The following TSC22D2 variants were observed in gnomAD, a reference collection of about 807,000 sequenced individuals.
TSC22D2 encodes the protein TSC22 domain family member 2, also known as TSC22 domain family protein 2.
A neutral mutation model predicts 50.1 loss-of-function variants in TSC22D2; 5 were observed. That is an observed-to-expected ratio of 0.10 (90% CI 0.05 to 0.21). TSC22D2 has a LOEUF of 0.21. Ranked by LOEUF, TSC22D2 falls within the 10% of genes least tolerant of loss-of-function variation. The pLI is 1.00. For missense variants in TSC22D2, 1,003 were observed against 1,015.5 expected (o/e 0.99, Z 0.17); for synonymous variants, 501 against 450.1 (o/e 1.11, Z -1.43).
At chr3:150,440,210 C>T (rs1479395932) in intron 1 of TSC22D2, among the ~76,000 whole-genome samples, 1 of 151,982 alleles carries the variant, frequency 6.6e-6, no homozygotes, top group African/African-American at 2.4e-5. Flanking sequence ...CTGGTATCCT[C>T]TGAAAATTTG....
chr3:150,414,806 CTG>C (rs1451477777), intron 1 of TSC22D2, among the ~76,000 whole-genome samples: 1 of 151,716 alleles, frequency 6.6e-6, no homozygotes, highest in African/African-American at 2.4e-5. Flanking sequence ...TCTTCGACCT[CTG>C]TTGTATGAAA....
intron 1 of TSC22D2, among the ~76,000 whole-genome samples, chr3:150,419,687 A>G (rs1453907602): frequency 6.6e-6 from 1 of 152,146 alleles, no homozygotes; most frequent in Non-Finnish European, 1.5e-5. Context: ...ACAGGTAGAC[A>G]TGCCACATGC....
chr3:150,440,452 TA>T (rs1576552455), intron 1 of TSC22D2, among the ~76,000 whole-genome samples: 3 of 143,164 alleles, frequency 2.1e-5, no homozygotes, highest in Middle Eastern at 3.4e-3. Flanking sequence ...AATATATGTG[TA>T]TTTTTTTTTT....
At chr3:150,414,038 T>C (rs537459909) in intron 1 of TSC22D2, among the ~76,000 whole-genome samples, 76 of 152,332 alleles carry the variant, frequency 5.0e-4, no homozygotes, top group South Asian at 1.2e-3. Context: ...CAAAGTTCTA[T>C]ATTGGCTTAA....
chr3:150,443,944 A>G (rs968260330), intron 1 of TSC22D2, among the ~76,000 whole-genome samples: 1 of 152,198 alleles, frequency 6.6e-6, no homozygotes, highest in Non-Finnish European at 1.5e-5. Flanking sequence ...TTTAGTCATC[A>G]CCATGATCAG....
At chr3:150,427,671 A>G (rs1049690315) in intron 1 of TSC22D2, among the ~76,000 whole-genome samples, 4 of 152,030 alleles carry the variant, frequency 2.6e-5, no homozygotes, top group African/African-American at 9.7e-5. Flanking sequence ...TTATATTTCA[A>G]CCTGTTCCAC....
rs532236588 is a variant in TSC22D2, at chr3:150,464,047, A to G, written c.*5411A>G. The G allele has an allele frequency of 1.3e-5, 2 of 152,340 alleles. No individual in the cohort carries two copies. The highest frequency in any genetic ancestry group is 1.3e-4 in the Admixed American group (2 of 15,300). 9.4% of individuals were successfully genotyped at this position (152,340 alleles called of 1,614,324 possible). A position where few individuals can be genotyped will look rare whatever the true frequency, so the allele number is the denominator to read the frequency against. ...TTGGAGGGAAGGGAAAGGTGTGCTA[A>G]CTTAGATCATAAAAACAACTGAATT... On this transcript the variant is annotated 3_prime_UTR_variant, in exon 3 of 3. Transcript: ENST00000688009.
chr3:150,440,154 C>CTAGA (rs1720670562), intron 1 of TSC22D2, among the ~76,000 whole-genome samples: 1 of 152,136 alleles, frequency 6.6e-6, no homozygotes, highest in African/African-American at 2.4e-5. Context: ...AGTGGTGGAG[C>CTAGA]TAGAATTCAA....
intron 1 of TSC22D2, among the ~76,000 whole-genome samples, chr3:150,437,823 A>G (rs1443070566): frequency 6.6e-6 from 1 of 151,798 alleles, no homozygotes; most frequent in Admixed American, 6.6e-5. Context: ...AAATAAATAA[A>G]TAAATAAAAT....
chr3:150,416,592 A>G (rs1282074821), intron 1 of TSC22D2, among the ~76,000 whole-genome samples: 2 of 152,120 alleles, frequency 1.3e-5, no homozygotes, highest in African/African-American at 2.4e-5. Context: ...TTCCCACAGC[A>G]ATTCTTGAAC....
intron 1 of TSC22D2, among the ~76,000 whole-genome samples, chr3:150,442,706 G>A (rs7614772): frequency 0.18 from 26,752 of 152,176 alleles, 2,581 homozygotes; most frequent in African/African-American, 0.21. Flanking sequence ...GCTCAAGCCT[G>A]TAATCCCAGC....
Position 150,415,477 on chromosome 3 carries a change from C to T in TSC22D2, c.1958+4169C>T, listed in dbSNP as rs1160876646. On this transcript the variant is annotated intron_variant, in intron 1 of 2. Transcript: ENST00000688009. The stretch of plus-strand genomic sequence containing the variant: ...GACTGGTGGTAGGGGTATATATGTC[C>T]TCTACTTCCTGAGAATAAATATAAT... Among the ~76,000 whole-genome samples, 3 of 152,132 alleles carry T rather than the reference C, an allele frequency of 2.0e-5. No individual in the cohort carries two copies. The East Asian group carries it at 5.8e-4, about 29-fold the overall frequency.
chr3:150,411,170 C>G lies in TSC22D2; in HGVS notation c.1820C>G (p.Ser607Cys). ...GAACCCCTACCTCAACCACCACTTT[C>G]TCTCATTGCTGAAAATAAGCCTGTT... Reference protein sequence around the residue: ...KSEPLPQPPLSLIAENKPVVK... With the variant: ...KSEPLPQPPLCLIAENKPVVK... Residue 607 changes from serine (S) to cysteine (C), a missense_variant, in exon 1 of 3, where the codon TCT (serine) becomes TGT (cysteine). This residue lies in a region of TSC22D2 where 696 missense variants were observed against 647.8 expected (regional missense o/e 1.07). Coordinates refer to ENST00000688009, the MANE Select transcript of TSC22D2 (RefSeq NM_001303264.2). 6.2e-7 allele frequency: 1 copy of G among 1,614,192 alleles called. No individual in the cohort carries two copies. The highest frequency in any genetic ancestry group is 1.7e-5 in the Admixed American group (1 of 60,028).
chr3:150,437,658 A>C (rs992083088), intron 1 of TSC22D2, among the ~76,000 whole-genome samples: 1 of 151,448 alleles, frequency 6.6e-6, no homozygotes, highest in Non-Finnish European at 1.5e-5. Context: ...AAAAAAAAAA[A>C]TTAGCCAGGC....
At chr3:150,455,517 A>G (rs1721158617) in intron 1 of TSC22D2, among the ~76,000 whole-genome samples, 2 of 152,226 alleles carry the variant, frequency 1.3e-5, no homozygotes, top group African/African-American at 4.8e-5. Flanking sequence ...TTTCCCATGT[A>G]ATGATTCAAG....
chr3:150,460,285 A>T lies in TSC22D2; in HGVS notation c.*1649A>T, dbSNP rs907308781. On this transcript the variant is annotated 3_prime_UTR_variant, in exon 3 of 3. Coordinates refer to ENST00000688009, the MANE Select transcript of TSC22D2 (RefSeq NM_001303264.2). ...TGAGCAATATTTGTACTCAATATTC[A>T]TATTATGTTAGTGATACTTAAGTAG... 6.6e-6 allele frequency: 1 copy of T among 152,212 alleles called. No homozygotes were observed. Among genetic ancestry groups the T allele is most frequent in the Admixed American group, 6.5e-5 (1 of 15,282 alleles). The allele number at this position is 152,212 out of a possible 1,614,324, so 9.4% of individuals were successfully genotyped here.
intron 1 of TSC22D2, among the ~76,000 whole-genome samples, chr3:150,415,991 C>T (rs1240546195): frequency 2.0e-5 from 3 of 151,958 alleles, no homozygotes; most frequent in Non-Finnish European, 4.4e-5. Context: ...GTAGAGAAAC[C>T]CAAATAAATC....
rs377240420 is a variant in TSC22D2 at position 150,423,090 on chromosome 3, C to T, written c.1958+11782C>T. On this transcript the variant is annotated intron_variant, in intron 1 of 2. Coordinates refer to ENST00000688009, the MANE Select transcript of TSC22D2 (RefSeq NM_001303264.2). Reference sequence around the variant, plus strand: ...TTCTACCAAGCGTTCCATTTGAACACGTTAAAGGAATCAAAGAGCCTCTGG... The same window carrying T: ...TTCTACCAAGCGTTCCATTTGAACATGTTAAAGGAATCAAAGAGCCTCTGG... The T allele has an allele frequency of 1.1e-5, 18 of 1,612,576 alleles. No individual in the cohort carries two copies. The African/African-American group carries it at 1.7e-4, about 16-fold the overall frequency.
At chr3:150,445,337 TAATAATA>T (rs1051920401) in intron 1 of TSC22D2, among the ~76,000 whole-genome samples, 1 of 148,434 alleles carries the variant, frequency 6.7e-6, no homozygotes, top group African/African-American at 2.5e-5. Context: ...ATAATAATAA[TAATAATA>T]ATAATAATAA....
Sources: allele counts gnomAD v4.1 joint callset (sites outside exome capture counted in the v4.1 genomes callset), GRCh38; gene constraint gnomAD v4.1.1; regional missense constraint gnomAD v4.1.1; transcripts MANE v1.5; gene names NCBI Gene and HGNC (gene_info 2026-07-23, HGNC 2026-07-21).